The following CFAP91 variants were observed in gnomAD, a reference collection of about 807,000 sequenced individuals.
CFAP91 encodes the protein cilia and flagella associated protein 91.
CFAP91 carries 85 observed loss-of-function variants against 95.9 expected under a neutral mutation model. That is an observed-to-expected ratio of 0.89 (90% CI 0.74 to 1.06). The LOEUF (loss-of-function observed/expected upper bound fraction) is 1.06, where lower values mean the gene tolerates loss of function less well. Ranked by LOEUF, CFAP91 falls within the 50% of genes least tolerant of loss-of-function variation. CFAP91 has a pLI of 0.00. For missense variants in CFAP91, 962 were observed against 943.4 expected (o/e 1.02, Z -0.26); for synonymous variants, 335 against 327.5 (o/e 1.02, Z -0.25).
At chr3:119,733,589 C>T (rs2053944192) in intron 10 of CFAP91, 83 bp downstream of exon 10, 5 of 1,415,460 alleles carry the variant, frequency 3.5e-6, no homozygotes, top group Non-Finnish European at 4.9e-6. Context: ...GCAGCAATGT[C>T]CAGTGGGTCA....
At chr3:119,751,128 G>A (rs1316501820) in intron 17 of CFAP91, 30 bp downstream of exon 17, 1 of 1,571,584 alleles carries the variant, frequency 6.4e-7, no homozygotes, top group Non-Finnish European at 8.6e-7. Context: ...AGGAAAAAAA[G>A]CAGAGAAAGG....
intron 6 of CFAP91, among the ~76,000 whole-genome samples, chr3:119,720,917 G>A (rs2053671968): frequency 6.6e-6 from 1 of 150,802 alleles, no homozygotes; most frequent in Non-Finnish European, 1.5e-5. Context: ...TATTGTTTAG[G>A]GAATAATGAC....
chr3:119,735,955 C>T (rs1046583359), intron 10 of CFAP91, among the ~76,000 whole-genome samples: 1 of 151,640 alleles, frequency 6.6e-6, no homozygotes, highest in East Asian at 1.9e-4. Flanking sequence ...ACATTTTTCT[C>T]CTGCCTGAAG....
chr3:119,703,315 G>T, intron 1 of CFAP91, 93 bp downstream of exon 1: 1 of 1,548,678 alleles, frequency 6.5e-7, no homozygotes, highest in African/African-American at 1.4e-5. Context: ...CATGGCGAAC[G>T]AAACACGACC....
At chr3:119,758,424 G>T (rs2054474113) in intron 17 of CFAP91, among the ~76,000 whole-genome samples, 1 of 152,130 alleles carries the variant, frequency 6.6e-6, no homozygotes, top group Non-Finnish European at 1.5e-5. Flanking sequence ...AAAACAAGAA[G>T]GAAGATCTCC....
rs770594988 is a variant in CFAP91 at position 119,707,732 on chromosome 3, G to GAT, written c.359+187_359+188dup. 6.5e-3 allele frequency among the ~76,000 whole-genome samples: 933 copies of GAT among 142,456 alleles called. 10 individuals are homozygous for GAT. Among genetic ancestry groups the GAT allele is most frequent in the East Asian group, 0.034 (162 of 4,778 alleles). The allele number at this position is 142,456 out of a possible 152,430, so 93.5% of individuals were successfully genotyped here. On this transcript the variant is annotated intron_variant, in intron 3 of 17. Coordinates refer to ENST00000273390, the MANE Select transcript of CFAP91 (RefSeq NM_033364.4). Reference sequence around the variant, plus strand: ...ACCTGATTATATATTGTATATATGAGATATATATATATATATAATTTTGTC... The same window carrying GAT: ...ACCTGATTATATATTGTATATATGAGATATATATATATATATATAATTTTGTC...
At position 119,747,190 on chromosome 3, in the gene CFAP91, G is replaced by A. The variant is rs2054237610; in HGVS notation, c.1978G>A (p.Glu660Lys). Residue 660 changes from glutamate (E) to lysine (K), a missense_variant, in exon 15 of 18, where the codon GAA becomes AAA. Transcript: ENST00000273390. ...ACTGAATACCGAAGCGAATACTGCA[G>A]AAGAACAAGCCAGGGCAGAAATAGA... ...IILNTEANTA[E>K]EQARAEIEKM... The A allele has an allele frequency of 1.2e-6, 2 of 1,613,856 alleles. No homozygotes were observed. The highest frequency in any genetic ancestry group is 1.1e-5 in the South Asian group (1 of 91,030).
At chr3:119,742,466 A>G (rs183322373) in intron 13 of CFAP91, among the ~76,000 whole-genome samples, 1 of 152,208 alleles carries the variant, frequency 6.6e-6, no homozygotes, top group Non-Finnish European at 1.5e-5. Context: ...TTCAAATTAG[A>G]TGGTACTGCC....
intron 17 of CFAP91, among the ~76,000 whole-genome samples, chr3:119,764,524 A>G (rs761892458): frequency 1.3e-5 from 2 of 152,162 alleles, no homozygotes; most frequent in Non-Finnish European, 2.9e-5. Flanking sequence ...ATGTCTGACT[A>G]TTCTGTTTAT....
At chr3:119,759,988 C>A (rs1045060186) in intron 17 of CFAP91, among the ~76,000 whole-genome samples, 3 of 151,768 alleles carry the variant, frequency 2.0e-5, no homozygotes, top group Non-Finnish European at 4.4e-5. Context: ...TACAAAACAA[C>A]CATAAAACAA....
At chr3:119,761,276 T>C (rs918743957) in intron 17 of CFAP91, among the ~76,000 whole-genome samples, 2 of 151,836 alleles carry the variant, frequency 1.3e-5, no homozygotes, top group African/African-American at 4.8e-5. Context: ...AATGGATGTC[T>C]AGACACATGC....
Position 119,730,283 on chromosome 3 carries a change from T to C in CFAP91, c.924T>C (p.Asn308=). 6.2e-7 allele frequency: 1 copy of C among 1,614,074 alleles called. No homozygotes were observed. The highest frequency in any genetic ancestry group is 8.5e-7 in the Non-Finnish European group (1 of 1,180,000). Residue 308 remains asparagine (N), a synonymous_variant, in exon 8 of 18, where the codon AAT becomes AAC. Coordinates refer to ENST00000273390, the MANE Select transcript of CFAP91 (RefSeq NM_033364.4). ...ELLRKREENQ[N]EVNMKHLNAR... is the part of the protein sequence containing the mutation. ...TGAGGAAGCGTGAAGAGAATCAGAA[T>C]GAAGTGAATATGAAGCACTTGAATG...
chr3:119,732,214 A>G (rs1284086643), intron 8 of CFAP91, 80 bp from the exon 9 acceptor site: 6 of 1,081,144 alleles, frequency 5.5e-6, no homozygotes, highest in South Asian at 1.8e-5. Flanking sequence ...TGTGAATAAC[A>G]CTAGCATTGG....
chr3:119,748,946 A>T (rs189708059), intron 16 of CFAP91, among the ~76,000 whole-genome samples: 1 of 152,346 alleles, frequency 6.6e-6, no homozygotes, highest in Admixed American at 6.5e-5. Flanking sequence ...AGATTGTTCT[A>T]CCAATTTGAT....
intron 17 of CFAP91, among the ~76,000 whole-genome samples, chr3:119,754,457 G>A (rs1382386342): frequency 6.6e-6 from 1 of 152,192 alleles, no homozygotes; most frequent in Non-Finnish European, 1.5e-5. Context: ...GAAAAAACGA[G>A]AAAGCTCTTT....
intron 8 of CFAP91, among the ~76,000 whole-genome samples, chr3:119,730,806 A>G (rs907138447): frequency 2.6e-4 from 40 of 152,184 alleles, no homozygotes; most frequent in Admixed American, 8.5e-4. Context: ...CCGCAGATAT[A>G]ACATATATAT....
intron 17 of CFAP91, among the ~76,000 whole-genome samples, chr3:119,756,642 G>T (rs2054436297): frequency 6.6e-6 from 1 of 152,108 alleles, no homozygotes; most frequent in African/African-American, 2.4e-5. Flanking sequence ...TTTTTCTAAG[G>T]CACTTGCATT....
At chr3:119,734,317 A>T (rs2053959629) in intron 10 of CFAP91, among the ~76,000 whole-genome samples, 1 of 152,126 alleles carries the variant, frequency 6.6e-6, no homozygotes. Flanking sequence ...TCAAAACAGG[A>T]CCTTAACAGT....
rs1209984894 is a variant in CFAP91, at chr3:119,739,284, C to A, written c.1491C>A (p.Ile497=). Residue 497 remains isoleucine (I), a synonymous_variant, in exon 12 of 18, where the codon ATC becomes ATA. Transcript: ENST00000273390. ...NEEEEMEMAV[I]YLQKLLRGRV... ...AAGAAGAAATGGAAATGGCTGTGAT[C>A]TACCTTCAAAAGTTACTCCGGGGCA... 6.2e-7 allele frequency: 1 copy of A among 1,614,034 alleles called. No individual in the cohort carries two copies. The highest frequency in any genetic ancestry group is 2.2e-5 in the East Asian group (1 of 44,902).
Sources: gnomAD v4.1 joint callset for allele counts (sites outside exome capture counted in the v4.1 genomes callset) on GRCh38, gnomAD v4.1.1 for gene constraint, MANE v1.5 for transcripts, NCBI Gene and HGNC (gene_info 2026-07-23, HGNC 2026-07-21) for gene names.